The following GPC6 variants were observed in gnomAD, a reference collection of about 807,000 sequenced individuals.
GPC6 encodes the protein glypican-6.
GPC6 carries 14 observed loss-of-function variants against 55.2 expected under a neutral mutation model. That is an observed-to-expected ratio of 0.25 (90% CI 0.17 to 0.40). GPC6 has a LOEUF of 0.40. Among genes scored for constraint, GPC6 ranks in the 10% least tolerant of loss-of-function variants. The pLI is 1.00. For synonymous variants in GPC6, 278 were observed against 259.6 expected, an observed-to-expected ratio of 1.07 and a Z score of -0.68; for missense variants, 641 against 708.5, an observed-to-expected ratio of 0.90 and a Z score of 1.08.
At chr13:94,024,024 A>G (rs547971862) in intron 3 of GPC6, among the ~76,000 whole-genome samples, 6 of 152,112 alleles carry the variant, frequency 3.9e-5, no homozygotes, top group African/African-American at 1.4e-4. Context: ...TGGTGATAGA[A>G]CAGTTCTGTA....
chr13:93,698,130 A>C (rs1476491290), intron 2 of GPC6, among the ~76,000 whole-genome samples: 6 of 152,108 alleles, frequency 3.9e-5, no homozygotes, highest in Non-Finnish European at 2.9e-5. Context: ...CTTGGCTCTC[A>C]CAGTTTCTAC....
intron 1 of GPC6, among the ~76,000 whole-genome samples, chr13:93,455,263 C>T (rs1878407016): frequency 6.6e-6 from 1 of 152,176 alleles, no homozygotes; most frequent in Admixed American, 6.5e-5. Context: ...AAGGGCTCCT[C>T]AAGTGCCGCC....
At chr13:93,796,060 G>C (rs948402187) in intron 2 of GPC6, among the ~76,000 whole-genome samples, 4 of 151,624 alleles carry the variant, frequency 2.6e-5, no homozygotes, top group Non-Finnish European at 4.4e-5. Context: ...GCTGAGTATG[G>C]TGGCGTGTGC....
chr13:93,963,972 G>C (rs1406242846), intron 3 of GPC6, among the ~76,000 whole-genome samples: 4 of 152,148 alleles, frequency 2.6e-5, no homozygotes, highest in Non-Finnish European at 5.9e-5. Context: ...ATGGCACACT[G>C]TCAATTTTTT....
chr13:93,704,167 C>A (rs1882767932), intron 2 of GPC6, among the ~76,000 whole-genome samples: 1 of 151,836 alleles, frequency 6.6e-6, no homozygotes, highest in South Asian at 2.1e-4. Context: ...AAAATCAGTT[C>A]ATTTTCTTTT....
chr13:93,549,052 A>T (rs1566418042), intron 2 of GPC6, among the ~76,000 whole-genome samples: 1 of 152,070 alleles, frequency 6.6e-6, no homozygotes, highest in Non-Finnish European at 1.5e-5. Flanking sequence ...GGTCCTGGCC[A>T]CTGCAAAAGT....
At chr13:93,951,310 T>G (rs1319020327) in intron 3 of GPC6, among the ~76,000 whole-genome samples, 2 of 152,248 alleles carry the variant, frequency 1.3e-5, no homozygotes, top group East Asian at 1.9e-4. Context: ...TAATTATTAT[T>G]ATGTGATTTT....
chr13:93,687,697 T>C (rs1248628957), intron 2 of GPC6, among the ~76,000 whole-genome samples: 1 of 152,084 alleles, frequency 6.6e-6, no homozygotes, highest in East Asian at 1.9e-4. Context: ...AGTGCTAACA[T>C]ATTAATGTTA....
chr13:94,119,191 G>A (rs768226570), intron 4 of GPC6, among the ~76,000 whole-genome samples: 10 of 151,992 alleles, frequency 6.6e-5, no homozygotes, highest in African/African-American at 9.7e-5. Context: ...ATTCCAGGTC[G>A]TTGGTATCTA....
intron 3 of GPC6, among the ~76,000 whole-genome samples, chr13:93,889,161 A>G (rs920721461): frequency 6.6e-6 from 1 of 152,060 alleles, no homozygotes; most frequent in Non-Finnish European, 1.5e-5. Context: ...GTTAGCATTG[A>G]TGTGGGTGGC....
At chr13:93,864,815 A>C (rs1888911620) in intron 3 of GPC6, among the ~76,000 whole-genome samples, 1 of 151,524 alleles carries the variant, frequency 6.6e-6, no homozygotes, top group African/African-American at 2.4e-5. Flanking sequence ...CAAATGTAGA[A>C]CTCTAACCAC....
At chr13:93,815,832 T>G (rs1886829982) in intron 2 of GPC6, among the ~76,000 whole-genome samples, 1 of 31,206 alleles carries the variant, frequency 3.2e-5, no homozygotes, top group Non-Finnish European at 6.0e-5. Flanking sequence ...TGATGCCACA[T>G]GAGCCTGATA....
At chr13:93,713,713 TA>T (rs5805820) in intron 2 of GPC6, among the ~76,000 whole-genome samples, 10 of 151,332 alleles carry the variant, frequency 6.6e-5, no homozygotes, top group African/African-American at 2.4e-4. Flanking sequence ...TGCCCATTTG[TA>T]AAAAAAATGA....
At chr13:93,990,427 A>G (rs1881243849) in intron 3 of GPC6, among the ~76,000 whole-genome samples, 1 of 152,164 alleles carries the variant, frequency 6.6e-6, no homozygotes, top group Non-Finnish European at 1.5e-5. Flanking sequence ...CATCTAGGAT[A>G]ATATCTCATG....
At chr13:94,267,781 A>G (rs954013869) in intron 4 of GPC6, among the ~76,000 whole-genome samples, 1 of 152,212 alleles carries the variant, frequency 6.6e-6, no homozygotes, top group African/African-American at 2.4e-5. Context: ...AAAAGCACTT[A>G]TAGTGCTCCC....
At chr13:93,660,924 G>T (rs541659761) in intron 2 of GPC6, among the ~76,000 whole-genome samples, 1 of 152,310 alleles carries the variant, frequency 6.6e-6, no homozygotes, top group African/African-American at 2.4e-5. Flanking sequence ...GAGTGGAAAT[G>T]AAAAGCACCT....
chr13:93,889,325 G>A (rs1027103246), intron 3 of GPC6, among the ~76,000 whole-genome samples: 1 of 152,074 alleles, frequency 6.6e-6, no homozygotes, highest in African/African-American at 2.4e-5. Flanking sequence ...CGATTTTAAT[G>A]TATAACCTCT....
intron 6 of GPC6, among the ~76,000 whole-genome samples, chr13:94,375,073 G>C (rs1167838868): frequency 1.3e-5 from 2 of 149,688 alleles, no homozygotes; most frequent in South Asian, 2.2e-4. Context: ...TGTGTAGAAG[G>C]AAATTTATAG....
intron 2 of GPC6, among the ~76,000 whole-genome samples, chr13:93,742,695 A>C (rs1019571126): frequency 8.5e-5 from 13 of 152,162 alleles, no homozygotes; most frequent in South Asian, 2.1e-4. Flanking sequence ...CTGTTATCAA[A>C]GATCATCACA....
Sources: allele counts gnomAD v4.1 joint callset (sites outside exome capture counted in the v4.1 genomes callset), GRCh38; gene constraint gnomAD v4.1.1; transcripts MANE v1.5; gene names NCBI Gene and HGNC (gene_info 2026-07-23, HGNC 2026-07-21).